PDE4A: variants seen among roughly 807,000 people sequenced by gnomAD.
PDE4A encodes 3',5'-cyclic-AMP phosphodiesterase 4A.
A neutral mutation model predicts 73.9 loss-of-function variants in PDE4A; 21 were observed. The observed-to-expected ratio is 0.28, with a 90% CI of 0.20 to 0.41. PDE4A has a LOEUF of 0.41. Ranked by LOEUF, PDE4A falls within the 10% of genes least tolerant of loss-of-function variation. The pLI is 1.00. For synonymous variants in PDE4A, 463 were observed against 505.4 expected, an observed-to-expected ratio of 0.92 and a Z score of 1.13; for missense variants, 958 against 1,211.4, an observed-to-expected ratio of 0.79 and a Z score of 3.10.
chr19:10,417,066 C>A, upstream of PDE4A: 1 of 1,501,010 alleles, frequency 6.7e-7, no homozygotes, highest in South Asian at 1.2e-5. Context: ...GTGACCACGG[C>A]TATTTCCTGA....
In PDE4A at chr19:10,461,452, G is replaced by A. The variant is rs938477282; in HGVS notation, c.1466-74G>A. The A allele has an allele frequency of 2.1e-5, 33 of 1,577,050 alleles. No homozygotes were observed. The South Asian group carries it at 2.9e-4, about 14-fold the overall frequency. ...CGGGCTGGGGAGGGGTTAGCTAGTT[G>A]GGGGCGGAGCTGGCCCTCCTGCGGT... On this transcript the variant is annotated intron_variant, in intron 11 of 14. Coordinates refer to ENST00000380702, the MANE Select transcript of PDE4A (RefSeq NM_001111307.2).
chr19:10,459,851 C>T (rs893925128), intron 10 of PDE4A, 92 bp downstream of exon 10: 1 of 1,369,606 alleles, frequency 7.3e-7, no homozygotes, highest in African/African-American at 1.5e-5. Context: ...GTGTCTCTGA[C>T]CTCCATCTCT....
upstream of PDE4A, among the ~76,000 whole-genome samples, chr19:10,418,187 T>G (rs1277130558): frequency 1.3e-5 from 2 of 152,308 alleles, no homozygotes; most frequent in African/African-American, 4.8e-5. Context: ...CCGGCTTTCA[T>G]GTCCCCGCCT....
chr19:10,418,903 G>C, upstream of PDE4A: 1 of 984,720 alleles, frequency 1.0e-6, no homozygotes, highest in Non-Finnish European at 1.2e-6. Context: ...GTAATGGGGG[G>C]GGTGTTCCTG....
In PDE4A at chr19:10,420,966, G is replaced by A. The variant is rs2042642735; in HGVS notation, c.202G>A (p.Ala68Thr). The change falls in exon 1 of 15, where the codon GCC becomes ACC. Residue 68 changes from alanine to threonine, a missense_variant. Coordinates refer to ENST00000380702, the MANE Select transcript of PDE4A (RefSeq NM_001111307.2). The surrounding 1 kb of genome is among the most constrained non-coding windows in gnomAD (Gnocchi z 6.0). ...GCAGCCGCACCGGCCCATAGAGCGC[G>A]CCGATGCCATGGACACCAGCGACCG... ...ERQPHRPIER[A>T]DAMDTSDRPG... 3 of 1,555,078 alleles carry A rather than the reference G, an allele frequency of 1.9e-6. No homozygotes were observed. Among genetic ancestry groups the A allele is most frequent in the Non-Finnish European group, 8.6e-7 (1 of 1,159,528 alleles).
At chr19:10,466,026 G>A (rs1251584146) in intron 14 of PDE4A, among the ~76,000 whole-genome samples, 6 of 135,708 alleles carry the variant, frequency 4.4e-5, no homozygotes, top group South Asian at 2.3e-4. Context: ...TTCCTGAGAC[G>A]GAGTCTCGCT....
intron 1 of PDE4A, among the ~76,000 whole-genome samples, chr19:10,427,295 G>A (rs780402645): frequency 2.0e-5 from 3 of 152,120 alleles, no homozygotes; most frequent in Admixed American, 6.6e-5. Flanking sequence ...GCAAGACTCC[G>A]TCTAACAAAA....
At chr19:10,422,087 G>T (rs74680369) in intron 1 of PDE4A, among the ~76,000 whole-genome samples, 2 of 152,284 alleles carry the variant, frequency 1.3e-5, no homozygotes, top group East Asian at 1.9e-4. Flanking sequence ...GGTGACTGTG[G>T]CCTCATGGGA....
Position 10,450,806 on chromosome 19 carries a change from T to C in PDE4A, c.671-23T>C, listed in dbSNP as rs760734137. 9 of 1,592,388 alleles carry C rather than the reference T, an allele frequency of 5.7e-6. No homozygotes were observed. The East Asian group carries it at 1.1e-4, about 20-fold the overall frequency. ...TCTGCCTACAGACCTTCTCAGTCAC[T>C]ACCCTGGCTGCCCCTTCCTTAGAAG... On this transcript the variant is annotated intron_variant, in intron 5 of 14. Coordinates refer to ENST00000380702, the MANE Select transcript of PDE4A (RefSeq NM_001111307.2).
Position 10,461,102 on chromosome 19 carries a change from C to T in PDE4A, c.1464C>T (p.Thr488=). The T allele has an allele frequency of 1.9e-6, 3 of 1,609,900 alleles. No individual in the cohort carries two copies. The highest frequency in any genetic ancestry group is 2.5e-6 in the Non-Finnish European group (3 of 1,176,784). The change falls in exon 11 of 15, where the codon ACC becomes ACT. Residue 488 remains threonine, a splice_region_variant and synonymous_variant. Coordinates refer to ENST00000380702, the MANE Select transcript of PDE4A (RefSeq NM_001111307.2). ...TCTCCAACCAGTTCCTCATCAACAC[C>T]AGTGAGTGGCCCTCGCCAGGGGCGG... ...PGVSNQFLIN[T]NSELALMYND...
intron 4 of PDE4A, among the ~76,000 whole-genome samples, chr19:10,450,232 T>G (rs11879176): frequency 0.26 from 39,053 of 151,900 alleles, 5,642 homozygotes; most frequent in African/African-American, 0.38. Flanking sequence ...ATTGTTTCAG[T>G]GCAAGAGATG....
rs1455506693 is a variant in PDE4A, at chr19:10,420,605, G to C, written c.-160G>C. The C allele has an allele frequency of 7.7e-7, 1 of 1,294,588 alleles. No individual in the cohort carries two copies. Among genetic ancestry groups the C allele is most frequent in the Non-Finnish European group, 9.7e-7 (1 of 1,026,166 alleles). The allele number at this position is 1,294,588 out of a possible 1,614,324, so 80.2% of individuals were successfully genotyped here. Reference sequence around the variant, plus strand: ...AAGCTGCAGAGCCCGGCCCGGGGGCGATTGGCCCGCAGCGCCCCCGGGTCT... The same window carrying C: ...AAGCTGCAGAGCCCGGCCCGGGGGCCATTGGCCCGCAGCGCCCCCGGGTCT... On this transcript the variant is annotated 5_prime_UTR_variant, in exon 1 of 15. Transcript: ENST00000380702. The surrounding 1 kb of genome is among the most constrained non-coding windows in gnomAD (Gnocchi z 6.0).
At position 10,458,986 on chromosome 19, in the gene PDE4A, A is replaced by G; in HGVS notation, c.1102-414A>G. 1 of 177,934 alleles carries G rather than the reference A, an allele frequency of 5.6e-6. No homozygotes were observed. The highest frequency in any genetic ancestry group is 2.3e-5 in the African/African-American group (1 of 42,606). The allele number at this position is 177,934 out of a possible 1,614,324, so 11.0% of individuals were successfully genotyped here. ...TGAATTTTGGAGAGACATGGAAAATAAGCCCTTCTTCCTTTCTCCCCTGGG... is the reference window on the plus strand; with the variant it reads ...TGAATTTTGGAGAGACATGGAAAATGAGCCCTTCTTCCTTTCTCCCCTGGG... On this transcript the variant is annotated intron_variant, in intron 8 of 14. Transcript: ENST00000380702. The surrounding 1 kb of genome is among the most constrained non-coding windows in gnomAD (Gnocchi z 4.6).
intron 5 of PDE4A, 78 bp from the exon 6 acceptor site, chr19:10,450,751 C>G (rs2043076935): frequency 6.3e-7 from 1 of 1,578,316 alleles, no homozygotes; most frequent in Non-Finnish European, 8.6e-7. Flanking sequence ...CCTGGCGAAC[C>G]CCGTCACGGC....
intron 7 of PDE4A, among the ~76,000 whole-genome samples, chr19:10,455,419 G>A (rs565879440): frequency 6.8e-6 from 1 of 146,822 alleles, no homozygotes; most frequent in East Asian, 2.0e-4. Context: ...AGCCGAGATC[G>A]CTCCATTGCA....
chr19:10,453,792 G>A lies in PDE4A; in HGVS notation c.784-1037G>A. ...TGTCTGGGCTGTGTGACGCTGTGTA[G>A]GACTGAGAGCCTGTGATTGTGTGTG... On this transcript the variant is annotated intron_variant, in intron 6 of 14. Transcript: ENST00000380702. This position sits in a 1 kb window ranked among gnomAD's most constrained non-coding sequence, Gnocchi z 4.6. Among the ~76,000 whole-genome samples the A allele has an allele frequency of 6.6e-6, 1 of 152,076 alleles. No homozygotes were observed. The highest frequency in any genetic ancestry group is 1.5e-5 in the Non-Finnish European group (1 of 68,008).
chr19:10,447,217 C>CTTTT (rs34169084), intron 2 of PDE4A, among the ~76,000 whole-genome samples: 1 of 59,198 alleles, frequency 1.7e-5, no homozygotes, highest in Non-Finnish European at 2.9e-5. Context: ...CTTTTTTTCT[C>CTTTT]TTTTTTTTTT....
At chr19:10,452,622 G>GTA (rs993339492) in intron 6 of PDE4A, among the ~76,000 whole-genome samples, 22 of 151,986 alleles carry the variant, frequency 1.4e-4, no homozygotes, top group African/African-American at 5.1e-4. Context: ...GGGTGTGTGT[G>GTA]TGTGTGTGTG....
intron 1 of PDE4A, among the ~76,000 whole-genome samples, chr19:10,421,560 A>T (rs1360145058): frequency 6.6e-6 from 1 of 152,026 alleles, no homozygotes; most frequent in Non-Finnish European, 1.5e-5. Flanking sequence ...TAGGGGATGG[A>T]GGACTCTATT....
Sources: allele counts gnomAD v4.1 joint callset (sites outside exome capture counted in the v4.1 genomes callset), GRCh38; gene constraint gnomAD v4.1.1; non-coding constraint Gnocchi (gnomAD v3.1); transcripts MANE v1.5; gene names NCBI Gene and HGNC (gene_info 2026-07-23, HGNC 2026-07-21).